Variants in CXXC5 observed in about 807,000 individuals in gnomAD.
CXXC5 encodes the protein CXXC finger protein 5, also known as CXXC-type zinc finger protein 5.
In CXXC5, 2 loss-of-function variants were observed where a neutral mutation model predicts 17.6. That is an observed-to-expected ratio of 0.11 (90% CI 0.05 to 0.36). CXXC5 has a LOEUF of 0.36. CXXC5 is among the 10% of genes least tolerant of loss of function. The pLI, the probability that CXXC5 is intolerant of heterozygous loss-of-function variation, is 1.00. For synonymous variants in CXXC5, 171 were observed against 193.0 expected, an observed-to-expected ratio of 0.89 and a Z score of 0.94; for missense variants, 343 against 458.3, an observed-to-expected ratio of 0.75 and a Z score of 2.30.
intron 1 of CXXC5, among the ~76,000 whole-genome samples, chr5:139,672,642 G>A (rs1272157387): frequency 2.0e-5 from 3 of 152,154 alleles, no homozygotes; most frequent in African/African-American, 7.2e-5. Context: ...ATCGCTGTCT[G>A]GAATCCTTTT....
intron 1 of CXXC5, among the ~76,000 whole-genome samples, chr5:139,654,400 T>A (rs1755379384): frequency 6.6e-6 from 1 of 152,230 alleles, no homozygotes; most frequent in African/African-American, 2.4e-5. Context: ...CTCAGTTTCC[T>A]AATCTCTGAA....
chr5:139,682,894 G>A lies in CXXC5; in HGVS notation c.956G>A (p.Arg319Gln). ...KVMLPTGAAF[R>Q]WFQ ...ATGCTTCCGACGGGAGCCGCCTTCC[G>A]GTGGTTTCAGTGACGGCGGCGGAAC... The change falls in exon 3 of 3, where the codon CGG (arginine) becomes CAG (glutamine). Residue 319 changes from arginine to glutamine, a missense_variant. Transcript: ENST00000302517. 5.6e-6 allele frequency: 9 copies of A among 1,594,158 alleles called. No homozygotes were observed. Among genetic ancestry groups the A allele is most frequent in the South Asian group, 1.1e-5 (1 of 88,168 alleles).
chr5:139,676,098 A>AC (rs1386731179), intron 1 of CXXC5, among the ~76,000 whole-genome samples: 1 of 145,798 alleles, frequency 6.9e-6, no homozygotes, highest in African/African-American at 2.6e-5. Context: ...AGAACCCATT[A>AC]CCCCCCACCT....
At chr5:139,656,389 A>AT (rs1231513775) in intron 1 of CXXC5, among the ~76,000 whole-genome samples, 10 of 152,148 alleles carry the variant, frequency 6.6e-5, no homozygotes, top group African/African-American at 2.4e-4. Context: ...GCATCACTGG[A>AT]TCCCCAGGTC....
chr5:139,655,216 G>A (rs972167992), intron 1 of CXXC5, among the ~76,000 whole-genome samples: 1 of 152,104 alleles, frequency 6.6e-6, no homozygotes, highest in Non-Finnish European at 1.5e-5. Context: ...TCCCTCCATC[G>A]CAGGAGGAGA....
chr5:139,656,802 G>T (rs965660950), intron 1 of CXXC5, among the ~76,000 whole-genome samples: 1 of 152,154 alleles, frequency 6.6e-6, no homozygotes, highest in Non-Finnish European at 1.5e-5. Flanking sequence ...TTGACTCACT[G>T]CAACCCCCAC....
In CXXC5 at chr5:139,668,532, G is replaced by A. The variant is rs533577043; in HGVS notation, c.-160-11832G>A. Among the ~76,000 whole-genome samples, 9 of 152,288 alleles carry A rather than the reference G, an allele frequency of 5.9e-5. No individual in the cohort carries two copies. In the South Asian group the frequency reaches 1.9e-3, roughly 32 times the overall value. On this transcript the variant is annotated intron_variant, in intron 1 of 2. Coordinates refer to ENST00000302517, the MANE Select transcript of CXXC5 (RefSeq NM_016463.9). This position sits in a 1 kb window ranked among gnomAD's most constrained non-coding sequence, Gnocchi z 4.1. ...GCCCGAGGTGATGGCGGCTGTTCCT[G>A]CCGTTCTGGGGCCTGTGCCCCAGAG...
In CXXC5 at chr5:139,680,966, CAGAGCG is replaced by C; in HGVS notation, c.444_449del (p.Glu149_Arg150del). 6.2e-7 allele frequency: 1 copy of C among 1,601,988 alleles called. No individual in the cohort carries two copies. The highest frequency in any genetic ancestry group is 8.5e-7 in the Non-Finnish European group (1 of 1,179,922). ...GCTGTGGCCAGCCTGCTGAGCAAGGCAGAGCGGGCCACGGAGCTGGCAGCCGAGGGA... is the reference window on the plus strand; with the variant it reads ...GCTGTGGCCAGCCTGCTGAGCAAGGCGGCCACGGAGCTGGCAGCCGAGGGA... On this transcript the variant is annotated inframe_deletion, in exon 2 of 3. Coordinates refer to ENST00000302517, the MANE Select transcript of CXXC5 (RefSeq NM_016463.9).
At chr5:139,653,638 G>A (rs1351988770) in intron 1 of CXXC5, among the ~76,000 whole-genome samples, 1 of 152,078 alleles carries the variant, frequency 6.6e-6, no homozygotes, top group Non-Finnish European at 1.5e-5. Flanking sequence ...ACCTTTCCCT[G>A]TACCCATACT....
chr5:139,682,847 C>T lies in CXXC5; in HGVS notation c.925-16C>T, dbSNP rs776340566. On this transcript the variant is annotated splice_polypyrimidine_tract_variant and intron_variant, in intron 2 of 2. Coordinates refer to ENST00000302517, the MANE Select transcript of CXXC5 (RefSeq NM_016463.9). ...GACTGAACTCTCTCCTTGTTTTTGT[C>T]TCCCGCCCCCGCCAGAAGGTGATGC... 33 of 1,589,004 alleles carry T rather than the reference C, an allele frequency of 2.1e-5. 1 individual carries two copies. The Admixed American group carries it at 3.4e-4, about 16-fold the overall frequency.
At position 139,680,826 on chromosome 5, in the gene CXXC5, T is replaced by C. The variant is rs1259119147; in HGVS notation, c.303T>C (p.Ser101=). Residue 101 remains serine (S), a synonymous_variant, in exon 2 of 3, where the codon TCT becomes TCC. Coordinates refer to ENST00000302517, the MANE Select transcript of CXXC5 (RefSeq NM_016463.9). The part of the protein sequence containing the change: ...SGGGSMMGGE[S]ADKATAAAAA... ...GTGGCAGCATGATGGGCGGAGAGTCTGCTGACAAGGCCACTGCGGCTGCAG... is the reference window on the plus strand; with the variant it reads ...GTGGCAGCATGATGGGCGGAGAGTCCGCTGACAAGGCCACTGCGGCTGCAG... 2 of 1,612,328 alleles carry C rather than the reference T, an allele frequency of 1.2e-6. No individual in the cohort carries two copies.
In CXXC5 at chr5:139,682,912, G is replaced by A. The variant is rs774196028; in HGVS notation, c.*5G>A. ...GCCTTCCGGTGGTTTCAGTGACGGC[G>A]GCGGAACCCAAAGCTGCCCTCTCCG... On this transcript the variant is annotated 3_prime_UTR_variant, in exon 3 of 3. Transcript: ENST00000302517. 46 of 1,589,586 alleles carry A rather than the reference G, an allele frequency of 2.9e-5. No homozygotes were observed. Among genetic ancestry groups the A allele is most frequent in the African/African-American group, 8.1e-5 (6 of 74,016 alleles).
chr5:139,652,147 GGCGCGCGCGCGCGC>G (rs34430057), intron 1 of CXXC5, among the ~76,000 whole-genome samples: 50 of 136,604 alleles, frequency 3.7e-4, no homozygotes, highest in Admixed American at 1.0e-3. Flanking sequence ...CCTAGCCGCC[GGCGCGCGCGCGCGC>G]GCGCGCGCGC....
At chr5:139,674,972 T>C (rs191105776) in intron 1 of CXXC5, among the ~76,000 whole-genome samples, 88 of 152,328 alleles carry the variant, frequency 5.8e-4, no homozygotes, top group African/African-American at 2.1e-3. Flanking sequence ...TCCCCTCTCA[T>C]TGCTTCTCCT....
chr5:139,666,615 C>T (rs778899107), intron 1 of CXXC5, among the ~76,000 whole-genome samples: 3 of 152,242 alleles, frequency 2.0e-5, no homozygotes, highest in South Asian at 2.1e-4. Context: ...TGAACGTGGG[C>T]GCTCCTGAGC....
intron 1 of CXXC5, among the ~76,000 whole-genome samples, chr5:139,660,141 T>C (rs1440588098): frequency 2.0e-5 from 3 of 152,186 alleles, no homozygotes; most frequent in Admixed American, 1.3e-4. Flanking sequence ...TCCAGGCACC[T>C]TCCTCCTGCC....
chr5:139,672,397 C>T (rs980278527), intron 1 of CXXC5, among the ~76,000 whole-genome samples: 3 of 152,210 alleles, frequency 2.0e-5, no homozygotes, highest in Non-Finnish European at 2.9e-5. Flanking sequence ...GGATTACAGG[C>T]GTGAGCCTGT....
chr5:139,654,112 C>T (rs1755359346), intron 1 of CXXC5, among the ~76,000 whole-genome samples: 1 of 152,204 alleles, frequency 6.6e-6, no homozygotes, highest in African/African-American at 2.4e-5. Context: ...TCACCTGGGG[C>T]TCCTACAGGC....
rs572740082 is a variant in CXXC5, at chr5:139,680,733, C to G, written c.210C>G (p.Asn70Lys). The G allele has an allele frequency of 6.2e-7, 1 of 1,613,510 alleles. No homozygotes were observed. The highest frequency in any genetic ancestry group is 1.6e-4 in the Middle Eastern group (1 of 6,062). The change falls in exon 2 of 3, where the codon AAC (asparagine) becomes AAG (lysine). Residue 70 changes from asparagine to lysine, a missense_variant. By Grantham distance (94) the Asn-to-Lys change is moderately conservative (BLOSUM62 0). Coordinates refer to ENST00000302517, the MANE Select transcript of CXXC5 (RefSeq NM_016463.9). Reference protein sequence around the residue: ...NKSGIISEPLNKSLRRSRPLS... With the variant: ...NKSGIISEPLKKSLRRSRPLS... ...GCGGTATCATCAGTGAGCCCCTCAA[C>G]AAGAGCCTGCGCCGCTCCCGCCCGC... is the stretch of plus-strand genomic sequence containing the variant.
Sources: allele counts gnomAD v4.1 joint callset (sites outside exome capture counted in the v4.1 genomes callset), GRCh38; gene constraint gnomAD v4.1.1; non-coding constraint Gnocchi (gnomAD v3.1); transcripts MANE v1.5; gene names NCBI Gene and HGNC (gene_info 2026-07-23, HGNC 2026-07-21).